GTF2A1L: variants seen among roughly 807,000 people sequenced by gnomAD.
GTF2A1L encodes TFIIA-alpha and beta-like factor.
A neutral mutation model predicts 49.7 loss-of-function variants in GTF2A1L; 48 were observed. That is an observed-to-expected ratio of 0.97 (90% CI 0.77 to 1.23). The LOEUF is 1.23. GTF2A1L is among the 50% of genes most tolerant of loss of function. The pLI is 0.00. For synonymous variants in GTF2A1L, 246 were observed against 193.5 expected, an observed-to-expected ratio of 1.27 and a Z score of -2.25; for missense variants, 736 against 564.8, an observed-to-expected ratio of 1.30 and a Z score of -3.07.
intron 6 of GTF2A1L, among the ~76,000 whole-genome samples, chr2:48,664,721 A>T (rs1335736136): frequency 6.6e-6 from 1 of 152,002 alleles, no homozygotes; most frequent in African/African-American, 2.4e-5. Flanking sequence ...TTCTTGAGTA[A>T]ATTTTGGTAA....
intron 3 of GTF2A1L, among the ~76,000 whole-genome samples, chr2:48,635,755 C>T (rs1337622045): frequency 6.6e-6 from 1 of 152,080 alleles, no homozygotes; most frequent in African/African-American, 2.4e-5. Context: ...GGCCATGCAG[C>T]TGGGTTACCT....
chr2:48,665,284 C>A (rs1031520390), intron 6 of GTF2A1L, among the ~76,000 whole-genome samples: 1 of 135,404 alleles, frequency 7.4e-6, no homozygotes, highest in Non-Finnish European at 1.6e-5. Flanking sequence ...ATTTCTCTCT[C>A]TCTTTTTTTT....
rs202125672 is a variant in GTF2A1L at position 48,617,892 on chromosome 2, G to A, written c.18G>A (p.Pro6=). 2,474 of 1,551,838 alleles carry A rather than the reference G, an allele frequency of 1.6e-3. 2 individuals carry two copies. The highest frequency in any genetic ancestry group is 2.0e-3 in the Non-Finnish European group (2,274 of 1,147,048). The change falls in exon 1 of 9, where the codon CCG becomes CCA. Residue 6 remains proline (P), a synonymous_variant. Transcript: ENST00000403751. MACLN[P]VPKLYRSVIE... ...GTGCTGTCATGGCCTGCCTCAACCCGGTGGTAAGGAAGACCTCAGGCTCTG... is the reference window on the plus strand; with the variant it reads ...GTGCTGTCATGGCCTGCCTCAACCCAGTGGTAAGGAAGACCTCAGGCTCTG...
At chr2:48,655,261 G>T (rs905219167) in intron 6 of GTF2A1L, among the ~76,000 whole-genome samples, 15 of 151,676 alleles carry the variant, frequency 9.9e-5, no homozygotes, top group African/African-American at 3.4e-4. Context: ...ATTATAAATG[G>T]TACCTAAAAC....
rs1208392366 is a variant in GTF2A1L, at chr2:48,646,926, C to T, written c.862C>T (p.His288Tyr). ...CTCCACAAGCCCTCATGGGGCTCTC[C>T]ACCAGCACGTGACTGATATTCAGCT... ...SLSTSPHGAL[H>Y]QHVTDIQLHI... The change falls in exon 6 of 9, where the codon CAC (histidine) becomes TAC (tyrosine). Residue 288 changes from histidine (H) to tyrosine (Y), a missense_variant. His to Tyr is a moderately conservative substitution (Grantham distance 83). Coordinates refer to ENST00000403751, the MANE Select transcript of GTF2A1L (RefSeq NM_006872.5). The T allele has an allele frequency of 9.9e-6, 16 of 1,614,162 alleles. No homozygotes were observed. The highest frequency in any genetic ancestry group is 1.4e-5 in the Non-Finnish European group (16 of 1,180,020).
chr2:48,661,246 A>ATTTTTTTTTTTTTTTTTTT (rs1558757501), intron 6 of GTF2A1L, among the ~76,000 whole-genome samples: 2 of 71,846 alleles, frequency 2.8e-5, no homozygotes, highest in African/African-American at 1.2e-4. Flanking sequence ...GCATCCCCAA[A>ATTTTTTTTTTTTTTTTTTT]CTTTTTTTTT....
At position 48,646,640 on chromosome 2, in the gene GTF2A1L, C is replaced by A; in HGVS notation, c.576C>A (p.Thr192=). ...CTGAAAAATCACAGAGAATTGAAAC[C>A]GTGCTACAGCAACCCGCAATTCTAC... The part of the protein sequence containing the change: ...ATTEKSQRIE[T]VLQQPAILPS... The change falls in exon 6 of 9, where the codon ACC becomes ACA. Residue 192 remains threonine, a synonymous_variant. Coordinates refer to ENST00000403751, the MANE Select transcript of GTF2A1L (RefSeq NM_006872.5). 6.2e-7 allele frequency: 1 copy of A among 1,613,978 alleles called. No individual in the cohort carries two copies. Among genetic ancestry groups the A allele is most frequent in the Non-Finnish European group, 8.5e-7 (1 of 1,179,982 alleles).
In GTF2A1L at chr2:48,645,520, G is replaced by C. The variant is rs537244575; in HGVS notation, c.388+403G>C. On this transcript the variant is annotated intron_variant, in intron 5 of 8. Transcript: ENST00000403751. ...TTATTAGGGATTGCATGGTCTGATAGGACATCCAATAGTTTGGAGGTTAAC... is the reference window on the plus strand; with the variant it reads ...TTATTAGGGATTGCATGGTCTGATACGACATCCAATAGTTTGGAGGTTAAC... Among the ~76,000 whole-genome samples, 15 of 152,256 alleles carry C rather than the reference G, an allele frequency of 9.9e-5. No homozygotes were observed. The South Asian group carries it at 1.7e-3, about 17-fold the overall frequency.
chr2:48,665,146 T>G (rs1678744393), intron 6 of GTF2A1L, among the ~76,000 whole-genome samples: 1 of 152,162 alleles, frequency 6.6e-6, no homozygotes, highest in Admixed American at 6.5e-5. Context: ...GGTCTCCAAC[T>G]CTTGGCCTCA....
intron 8 of GTF2A1L, among the ~76,000 whole-genome samples, chr2:48,672,908 C>G (rs543301159): frequency 5.9e-5 from 9 of 152,208 alleles, no homozygotes; most frequent in African/African-American, 2.2e-4. Context: ...AAAAGAAACC[C>G]CATACTTTTT....
At chr2:48,635,510 C>T (rs1224586003) in intron 3 of GTF2A1L, among the ~76,000 whole-genome samples, 2 of 152,088 alleles carry the variant, frequency 1.3e-5, no homozygotes, top group African/African-American at 4.8e-5. Context: ...AGTGATGGCA[C>T]ATGCAGTTCA....
chr2:48,623,369 A>T (rs973260478), intron 3 of GTF2A1L, among the ~76,000 whole-genome samples: 1 of 152,226 alleles, frequency 6.6e-6, no homozygotes, highest in African/African-American at 2.4e-5. Context: ...AGTCAAAATC[A>T]CAATGAGATA....
chr2:48,646,895 G>A lies in GTF2A1L; in HGVS notation c.831G>A (p.Glu277=). The change falls in exon 6 of 9, where the codon GAG becomes GAA. Residue 277 remains glutamate, a synonymous_variant. Coordinates refer to ENST00000403751, the MANE Select transcript of GTF2A1L (RefSeq NM_006872.5). ...GCATGGCTCAAAATCTGCATGATGA[G>A]TCCCTCTCCACAAGCCCTCATGGGG... ...SASMAQNLHD[E]SLSTSPHGAL... The A allele has an allele frequency of 6.2e-7, 1 of 1,614,184 alleles. No individual in the cohort carries two copies.
At chr2:48,642,778 C>T (rs996090504) in intron 4 of GTF2A1L, among the ~76,000 whole-genome samples, 1 of 151,872 alleles carries the variant, frequency 6.6e-6, no homozygotes, top group African/African-American at 2.4e-5. Context: ...ATCTCTTGAA[C>T]CTGGGAGGCG....
At chr2:48,656,818 T>C (rs752514284) in intron 6 of GTF2A1L, among the ~76,000 whole-genome samples, 2 of 152,198 alleles carry the variant, frequency 1.3e-5, no homozygotes, top group Admixed American at 1.3e-4. Flanking sequence ...CTAAGAGATT[T>C]ATAGTTTTAG....
At position 48,625,642 on chromosome 2, in the gene GTF2A1L, G is replaced by A. The variant is rs769618256; in HGVS notation, c.247+4352G>A. Among the ~76,000 whole-genome samples the A allele has an allele frequency of 9.8e-5, 14 of 142,600 alleles. 3 individuals are homozygous for A. The highest frequency in any genetic ancestry group is 2.0e-4 in the Non-Finnish European group (13 of 63,530). 93.6% of individuals were successfully genotyped at this position (142,600 alleles called of 152,430 possible). ...CTGTCATCCATGCTGGAGTACAGTG[G>A]AGCAATCATAGGTCACTGTAGCCTT... is the stretch of plus-strand genomic sequence containing the variant. On this transcript the variant is annotated intron_variant, in intron 3 of 8. Transcript: ENST00000403751.
At chr2:48,635,118 G>A (rs1676815747) in intron 3 of GTF2A1L, among the ~76,000 whole-genome samples, 1 of 150,064 alleles carries the variant, frequency 6.7e-6, no homozygotes, top group South Asian at 2.1e-4. Flanking sequence ...GGAGTGGAGA[G>A]GGCCTTCCTG....
rs1458464915 is a variant in GTF2A1L, at chr2:48,679,321, T to G, written c.1330-14T>G. The G allele has an allele frequency of 1.8e-5, 29 of 1,603,760 alleles. No homozygotes were observed. The highest frequency in any genetic ancestry group is 2.5e-5 in the Non-Finnish European group (29 of 1,176,972). On this transcript the variant is annotated splice_polypyrimidine_tract_variant and intron_variant, in intron 8 of 8. Transcript: ENST00000403751. ...TGTAAAATTAATTAATGTAAACTAC[T>G]TTTCTCCCTCCAGATTCATCGAAGC...
At chr2:48,622,959 G>A (rs1027261331) in intron 3 of GTF2A1L, among the ~76,000 whole-genome samples, 6 of 151,634 alleles carry the variant, frequency 4.0e-5, no homozygotes, top group Non-Finnish European at 7.4e-5. Context: ...TGCAACTAGT[G>A]TATCAAGTTT....
Sources: gnomAD v4.1 joint callset for allele counts (sites outside exome capture counted in the v4.1 genomes callset) on GRCh38, gnomAD v4.1.1 for gene constraint, MANE v1.5 for transcripts, NCBI Gene and HGNC (gene_info 2026-07-23, HGNC 2026-07-21) for gene names.